The following ERCC3 variants were observed in gnomAD, a reference collection of about 807,000 sequenced individuals.
ERCC3 encodes general transcription and DNA repair factor IIH helicase/translocase subunit XPB.
In ERCC3, 66 loss-of-function variants were observed where a neutral mutation model predicts 94.2. The ratio of observed to expected loss-of-function variants is 0.70; its 90% CI spans 0.57 to 0.86. The LOEUF is 0.86. ERCC3 is among the 40% of genes least tolerant of loss of function. The pLI is 0.00. For missense variants in ERCC3, 829 were observed against 987.1 expected (o/e 0.84, Z 2.15); for synonymous variants, 349 against 369.1 (o/e 0.95, Z 0.63).
At chr2:127,275,544 G>A (rs1037284919) in intron 10 of ERCC3, among the ~76,000 whole-genome samples, 5 of 152,166 alleles carry the variant, frequency 3.3e-5, no homozygotes, top group African/African-American at 4.8e-5. Context: ...GCAGATGCTC[G>A]GGAGGCTGCG....
In ERCC3 at chr2:127,279,898, ATCACATCCAGGGAGTTATTT is replaced by A. The variant is rs1179650377; in HGVS notation, c.1527+529_1528-524del. 1.1e-4 allele frequency among the ~76,000 whole-genome samples: 17 copies of A among 152,350 alleles called. No homozygotes were observed. In the South Asian group the frequency reaches 1.9e-3, roughly 17 times the overall value. On this transcript the variant is annotated intron_variant, in intron 9 of 14. Coordinates refer to ENST00000285398, the MANE Select transcript of ERCC3 (RefSeq NM_000122.2). The surrounding 1 kb of genome is among the most constrained non-coding windows in gnomAD (Gnocchi z 4.7). ...ACCACTTAAAAGATTTTTAAATGCA[ATCACATCCAGGGAGTTATTT>A]TCACACCAGCTGCAAGTGTGCGAAA...
At chr2:127,263,126 T>C (rs1409645766) in intron 12 of ERCC3, among the ~76,000 whole-genome samples, 1 of 152,250 alleles carries the variant, frequency 6.6e-6, no homozygotes, top group East Asian at 1.9e-4. Flanking sequence ...TGCTTAGGAT[T>C]GCTTTGGCTA....
At position 127,271,689 on chromosome 2, in the gene ERCC3, C is replaced by A. The variant is rs4150497; in HGVS notation, c.1828-236G>T. Reference sequence around the variant, plus strand: ...TAAGAGTCATCCTGAAGAATTAATACCAGGCATCAGTGACATTCAGTGCTG... The same window carrying A: ...TAAGAGTCATCCTGAAGAATTAATAACAGGCATCAGTGACATTCAGTGCTG... On this transcript the variant is annotated intron_variant, in intron 11 of 14. Coordinates refer to ENST00000285398, the MANE Select transcript of ERCC3 (RefSeq NM_000122.2). This position sits in a 1 kb window ranked among gnomAD's most constrained non-coding sequence, Gnocchi z 5.0. Among the ~76,000 whole-genome samples the A allele has an allele frequency of 2.1e-4, 32 of 152,144 alleles. No individual in the cohort carries two copies. Among genetic ancestry groups the A allele is most frequent in the Non-Finnish European group, 4.3e-4 (29 of 68,046 alleles).
At chr2:127,261,192 G>T in intron 13 of ERCC3, 36 bp downstream of exon 13, 1 of 1,240,858 alleles carries the variant, frequency 8.1e-7, no homozygotes, top group Non-Finnish European at 1.2e-6. Flanking sequence ...AGAAGGCCTT[G>T]GTCCTAGTCT....
intron 11 of ERCC3, among the ~76,000 whole-genome samples, chr2:127,272,409 G>C (rs1179906743): frequency 6.6e-6 from 1 of 152,064 alleles, no homozygotes; most frequent in African/African-American, 2.4e-5. Context: ...TCTGATTGCA[G>C]AGTAAACCAT....
chr2:127,288,599 A>G, intron 7 of ERCC3, 61 bp downstream of exon 7: 1 of 1,382,052 alleles, frequency 7.2e-7, no homozygotes, highest in Non-Finnish European at 1.0e-6. Flanking sequence ...AGAAAGCGGG[A>G]GGCAGCTGGC....
rs1479567079 is a variant in ERCC3 at position 127,258,091 on chromosome 2, T to C, written c.2218-364A>G. Reference sequence around the variant, plus strand: ...CACTACCTCACTTAATAACAACTTCTGAACAAACTTTTTTTTTTTAAGAGA... The same window carrying C: ...CACTACCTCACTTAATAACAACTTCCGAACAAACTTTTTTTTTTTAAGAGA... On this transcript the variant is annotated intron_variant, in intron 14 of 14. Transcript: ENST00000285398. The surrounding 1 kb of genome is among the most constrained non-coding windows in gnomAD (Gnocchi z 4.1). Among the ~76,000 whole-genome samples, 2 of 152,076 alleles carry C rather than the reference T, an allele frequency of 1.3e-5. No individual in the cohort carries two copies. The highest frequency in any genetic ancestry group is 2.1e-4 in the South Asian group (1 of 4,820).
chr2:127,284,791 C>T lies in ERCC3; in HGVS notation c.1342+1912G>A, dbSNP rs1685016093. Among the ~76,000 whole-genome samples, 1 of 151,998 alleles carries T rather than the reference C, an allele frequency of 6.6e-6. No individual in the cohort carries two copies. Among genetic ancestry groups the T allele is most frequent in the South Asian group, 2.1e-4 (1 of 4,814 alleles). On this transcript the variant is annotated intron_variant, in intron 8 of 14. Transcript: ENST00000285398. The surrounding 1 kb of genome is among the most constrained non-coding windows in gnomAD (Gnocchi z 4.1). ...CTCAACCTCCCAGGTTCAAGTGATC[C>T]TCCCACCTCAGCCTCCTCAGCAGCT... is the stretch of plus-strand genomic sequence containing the variant.
intron 8 of ERCC3, 142 bp downstream of exon 8, chr2:127,286,561 A>C: frequency 1.3e-6 from 1 of 746,868 alleles, no homozygotes. Context: ...AAAAAAAAAG[A>C]ACTATTAAAA....
chr2:127,293,733 C>G lies in ERCC3; in HGVS notation c.29-15G>C, dbSNP rs188356418. 6 of 1,609,584 alleles carry G rather than the reference C, an allele frequency of 3.7e-6. No individual in the cohort carries two copies. The highest frequency in any genetic ancestry group is 5.1e-6 in the Non-Finnish European group (6 of 1,180,020). ...TTTCTTCTTGTCTGCAAGATACCAA[C>G]ACAGAAGTAAGCCCAGCAGGAGCCT... On this transcript the variant is annotated splice_polypyrimidine_tract_variant and intron_variant, in intron 1 of 14. Coordinates refer to ENST00000285398, the MANE Select transcript of ERCC3 (RefSeq NM_000122.2).
At chr2:127,273,074 T>C in intron 10 of ERCC3, 113 bp from the exon 11 acceptor site, 1 of 720,584 alleles carries the variant, frequency 1.4e-6, no homozygotes, top group Non-Finnish European at 2.5e-6. Context: ...AAAGCCCTCG[T>C]CATGTAGGAA....
chr2:127,271,851 G>A lies in ERCC3; in HGVS notation c.1828-398C>T, dbSNP rs765855121. 3.3e-5 allele frequency among the ~76,000 whole-genome samples: 5 copies of A among 152,088 alleles called. No individual in the cohort carries two copies. The highest frequency in any genetic ancestry group is 5.9e-5 in the Non-Finnish European group (4 of 68,024). On this transcript the variant is annotated intron_variant, in intron 11 of 14. Coordinates refer to ENST00000285398, the MANE Select transcript of ERCC3 (RefSeq NM_000122.2). The surrounding 1 kb of genome is among the most constrained non-coding windows in gnomAD (Gnocchi z 5.0). Reference sequence around the variant, plus strand: ...TTGGCCACTGACACCAGCAGCACACGTGGGATGTGACCTGGGAGGAACAAC... The same window carrying A: ...TTGGCCACTGACACCAGCAGCACACATGGGATGTGACCTGGGAGGAACAAC...
intron 1 of ERCC3, 158 bp from the exon 2 acceptor site, chr2:127,293,876 T>C: frequency 1.3e-6 from 2 of 1,534,224 alleles, no homozygotes; most frequent in Non-Finnish European, 1.7e-6. Context: ...CTAGGCCGAG[T>C]TCGCTGGGCT....
At chr2:127,293,217 C>T (rs1172073983) in intron 2 of ERCC3, among the ~76,000 whole-genome samples, 1 of 152,198 alleles carries the variant, frequency 6.6e-6, no homozygotes. Context: ...CAAACTGTTA[C>T]ATGATAAATG....
chr2:127,293,779 C>A, intron 1 of ERCC3, 61 bp from the exon 2 acceptor site: 3 of 1,603,050 alleles, frequency 1.9e-6, no homozygotes, highest in Non-Finnish European at 2.5e-6. Flanking sequence ...CTCCGCACCG[C>A]TTGGCAGCAT....
chr2:127,280,746 T>C lies in ERCC3; in HGVS notation c.1343-115A>G. 4.0e-6 allele frequency: 4 copies of C among 999,942 alleles called. 1 individual carries two copies. The highest frequency in any genetic ancestry group is 6.1e-6 in the Non-Finnish European group (4 of 660,366). 61.9% of individuals were successfully genotyped at this position (999,942 alleles called of 1,614,324 possible). A position where few individuals can be genotyped will look rare whatever the true frequency, so the allele number is the denominator to read the frequency against. Reference sequence around the variant, plus strand: ...CTCATTATATTGCCCAGGCTGGTCTTGAACTCCTGGCCTCAAGCAATCCCC... The same window carrying C: ...CTCATTATATTGCCCAGGCTGGTCTCGAACTCCTGGCCTCAAGCAATCCCC... On this transcript the variant is annotated intron_variant, in intron 8 of 14. Coordinates refer to ENST00000285398, the MANE Select transcript of ERCC3 (RefSeq NM_000122.2). The surrounding 1 kb of genome is among the most constrained non-coding windows in gnomAD (Gnocchi z 6.3).
In ERCC3 at chr2:127,271,595, CAG is replaced by C. The variant is rs1387481317; in HGVS notation, c.1828-144_1828-143del. 2 of 697,574 alleles carry C rather than the reference CAG, an allele frequency of 2.9e-6. No homozygotes were observed. Among genetic ancestry groups the C allele is most frequent in the Admixed American group, 4.5e-5 (2 of 44,640 alleles). The allele number at this position is 697,574 out of a possible 1,614,324, so 43.2% of individuals were successfully genotyped here. ...TATACCAGGGTCTATCTGATGCAGG[CAG>C]AGAGAGGTGAAGCAATAAACCTCAG... is the stretch of plus-strand genomic sequence containing the variant. On this transcript the variant is annotated intron_variant, in intron 11 of 14. Transcript: ENST00000285398. This position sits in a 1 kb window ranked among gnomAD's most constrained non-coding sequence, Gnocchi z 5.0.
In ERCC3 at chr2:127,280,437, G is replaced by A. The variant is rs765584525; in HGVS notation, c.1527+10C>T. 206 of 1,608,034 alleles carry A rather than the reference G, an allele frequency of 1.3e-4. 1 individual carries two copies. Among genetic ancestry groups the A allele is most frequent in the South Asian group, 1.1e-4 (10 of 90,102 alleles). On this transcript the variant is annotated intron_variant, in intron 9 of 14. Transcript: ENST00000285398. This position sits in a 1 kb window ranked among gnomAD's most constrained non-coding sequence, Gnocchi z 6.3. ...CCTTTCCCAGACGCCCCCAGCCCAG[G>A]CCCAGCTACCTCAGCACACTGGACT...
rs1573923854 is a variant in ERCC3 at position 127,257,593 on chromosome 2, G to T, written c.*3C>A. On this transcript the variant is annotated 3_prime_UTR_variant, in exon 15 of 15. Transcript: ENST00000285398. This position sits in a 1 kb window ranked among gnomAD's most constrained non-coding sequence, Gnocchi z 5.4. ...GTCTTGAACGAAGTACCCTGCCTAA[G>T]CATCATTTCCTAAAGCGCTTGAAGA... is the stretch of plus-strand genomic sequence containing the variant. The T allele has an allele frequency of 2.5e-6, 4 of 1,613,794 alleles. No homozygotes were observed. In the East Asian group the frequency reaches 8.9e-5, roughly 36 times the overall value.
Sources: allele counts gnomAD v4.1 joint callset (sites outside exome capture counted in the v4.1 genomes callset), GRCh38; gene constraint gnomAD v4.1.1; non-coding constraint Gnocchi (gnomAD v3.1); transcripts MANE v1.5; gene names NCBI Gene and HGNC (gene_info 2026-07-23, HGNC 2026-07-21).